USP6NL: variants seen among roughly 807,000 people sequenced by gnomAD.
The protein encoded by USP6NL is USP6 N-terminal like, also known as USP6 N-terminal-like protein.
A neutral mutation model predicts 61.9 loss-of-function variants in USP6NL; 26 were observed. The observed-to-expected ratio is 0.42, with a 90% CI of 0.31 to 0.58. The LOEUF is 0.58. USP6NL is among the 20% of genes least tolerant of loss of function. USP6NL has a pLI of 0.16. For synonymous variants in USP6NL, 432 were observed against 390.1 expected, an observed-to-expected ratio of 1.11 and a Z score of -1.27; for missense variants, 1,114 against 1,034.3, an observed-to-expected ratio of 1.08 and a Z score of -1.06.
chr10:11,504,775 C>T (rs1834364291), intron 6 of USP6NL, among the ~76,000 whole-genome samples: 2 of 152,232 alleles, frequency 1.3e-5, no homozygotes, highest in South Asian at 4.1e-4. Flanking sequence ...ATAATTATAA[C>T]TTAAACAGAG....
At position 11,592,794 on chromosome 10, in the gene USP6NL, C is replaced by T. The variant is rs2133647642; in HGVS notation, c.4+4837G>A. ...AGCACAACTTTTTTACTTAGTAAGA[C>T]TCTGAAGAATCCTTCTACTACCACT... is the stretch of plus-strand genomic sequence containing the variant. On this transcript the variant is annotated intron_variant, in intron 2 of 14. Transcript: ENST00000609104. The surrounding 1 kb of genome is among the most constrained non-coding windows in gnomAD (Gnocchi z 4.7). Among the ~76,000 whole-genome samples the T allele has an allele frequency of 6.6e-6, 1 of 152,320 alleles. No homozygotes were observed. The highest frequency in any genetic ancestry group is 3.4e-3 in the Middle Eastern group (1 of 294).
At chr10:11,483,085 C>T (rs1470369533) in intron 13 of USP6NL, among the ~76,000 whole-genome samples, 1 of 152,184 alleles carries the variant, frequency 6.6e-6, no homozygotes, top group Non-Finnish European at 1.5e-5. Context: ...CCAGAGCTTA[C>T]TCCTACTGTC....
intron 10 of USP6NL, among the ~76,000 whole-genome samples, chr10:11,486,973 G>C (rs1385277395): frequency 6.6e-6 from 1 of 151,818 alleles, no homozygotes; most frequent in Admixed American, 6.6e-5. Flanking sequence ...CAGTTTTCTA[G>C]GGTGTGTGTA....
rs749117055 is a variant in USP6NL, at chr10:11,596,623, C to CA, written c.4+1007dup. 0.027 allele frequency among the ~76,000 whole-genome samples: 1,674 copies of CA among 62,950 alleles called. 6 individuals carry two copies. Among genetic ancestry groups the CA allele is most frequent in the African/African-American group, 0.05 (869 of 17,478 alleles). 41.3% of individuals were successfully genotyped at this position (62,950 alleles called of 152,430 possible). A position where few individuals can be genotyped will look rare whatever the true frequency, so the allele number is the denominator to read the frequency against. ...TGGGCGACAGAGGGAGACTCCGTCT[C>CA]AAAAAAAAAAAAAAAAACTCTTTCT... On this transcript the variant is annotated intron_variant, in intron 2 of 14. Transcript: ENST00000609104. The surrounding 1 kb of genome is among the most constrained non-coding windows in gnomAD (Gnocchi z 4.1).
In USP6NL at chr10:11,487,519, T is replaced by C. The variant is rs1833521528; in HGVS notation, c.664+1583A>G. ...AAAATTGGACAGTCTTGGACACAAT[T>C]ACATACCAGTTAAATTTGCATTCTA... On this transcript the variant is annotated intron_variant, in intron 10 of 14. Coordinates refer to ENST00000609104, the MANE Select transcript of USP6NL (RefSeq NM_014688.5). The surrounding 1 kb of genome is among the most constrained non-coding windows in gnomAD (Gnocchi z 4.2). Among the ~76,000 whole-genome samples, 1 of 152,176 alleles carries C rather than the reference T, an allele frequency of 6.6e-6. No individual in the cohort carries two copies.
chr10:11,505,214 G>C (rs1834382915), intron 6 of USP6NL, among the ~76,000 whole-genome samples: 1 of 152,146 alleles, frequency 6.6e-6, no homozygotes, highest in Non-Finnish European at 1.5e-5. Flanking sequence ...GCCAGGAAGG[G>C]AAAAGTGGGG....
At chr10:11,480,275 T>C (rs1019975800) in intron 14 of USP6NL, among the ~76,000 whole-genome samples, 4 of 152,168 alleles carry the variant, frequency 2.6e-5, no homozygotes, top group Non-Finnish European at 5.9e-5. Context: ...AAACACCCAA[T>C]AAATATTAGC....
chr10:11,486,486 AATCTAT>A lies in USP6NL; in HGVS notation c.665-581_665-576del, dbSNP rs1833474379. Reference sequence around the variant, plus strand: ...TTTATCCCAAGTGACTATACAATATAATCTATATCTAAGAAGTAACAAATTACAAAT... The same window carrying A: ...TTTATCCCAAGTGACTATACAATATAATCTAAGAAGTAACAAATTACAAAT... On this transcript the variant is annotated intron_variant, in intron 10 of 14. Coordinates refer to ENST00000609104, the MANE Select transcript of USP6NL (RefSeq NM_014688.5). Among the ~76,000 whole-genome samples, 3 of 152,172 alleles carry A rather than the reference AATCTAT, an allele frequency of 2.0e-5. No individual in the cohort carries two copies. The South Asian group carries it at 6.2e-4, about 31-fold the overall frequency.
intron 2 of USP6NL, among the ~76,000 whole-genome samples, chr10:11,554,464 A>C (rs541817796): frequency 6.6e-6 from 1 of 152,354 alleles, no homozygotes; most frequent in South Asian, 2.1e-4. Context: ...GAAAATAAAA[A>C]TTGGAGTTCG....
At chr10:11,515,735 C>T (rs1042313207) in intron 5 of USP6NL, among the ~76,000 whole-genome samples, 10 of 152,072 alleles carry the variant, frequency 6.6e-5, no homozygotes, top group East Asian at 1.9e-4. Flanking sequence ...GTTTGTTTTT[C>T]GTTTCAGTTA....
chr10:11,590,141 G>T (rs936235100), intron 2 of USP6NL, among the ~76,000 whole-genome samples: 1 of 152,160 alleles, frequency 6.6e-6, no homozygotes, highest in East Asian at 1.9e-4. Context: ...TGGGATAAGG[G>T]AAGACATTTT....
chr10:11,463,766 C>T lies in USP6NL; in HGVS notation c.1162G>A (p.Gly388Arg). 1 of 1,561,370 alleles carries T rather than the reference C, an allele frequency of 6.4e-7. No homozygotes were observed. The highest frequency in any genetic ancestry group is 8.7e-7 in the Non-Finnish European group (1 of 1,153,580). Residue 388 changes from glycine to arginine, a missense_variant, in exon 15 of 15, where the codon GGA becomes AGA. Transcript: ENST00000609104. This position sits in a 1 kb window ranked among gnomAD's most constrained non-coding sequence, Gnocchi z 6.3. Reference sequence around the variant, plus strand: ...CTCGGCCGGCCCACGCTCCTCTGTCCGTTGCTCAAGTGATGGACGCCCCAA... The same window carrying T: ...CTCGGCCGGCCCACGCTCCTCTGTCTGTTGCTCAAGTGATGGACGCCCCAA... ...QSWGVHHLSN[G>R]QRSVGRPSPL...
intron 2 of USP6NL, among the ~76,000 whole-genome samples, chr10:11,531,453 G>A (rs1204359621): frequency 6.6e-6 from 1 of 152,034 alleles, no homozygotes. Context: ...CTCCGGAGTA[G>A]CTGGGACTAC....
Position 11,537,833 on chromosome 10 carries a change from TTTCCCTTCCCGTCAGCTTCCCAGC to T in USP6NL, c.5-10290_5-10267del, listed in dbSNP as rs1392230785. ...ACTTGTAATGCTATTGCCCAAATGA[TTTCCCTTCCCGTCAGCTTCCCAGC>T]TGCCACCTCAGCCTCCCTTCAAGGA... On this transcript the variant is annotated intron_variant, in intron 2 of 14. Coordinates refer to ENST00000609104, the MANE Select transcript of USP6NL (RefSeq NM_014688.5). This position sits in a 1 kb window ranked among gnomAD's most constrained non-coding sequence, Gnocchi z 5.1. 8.5e-4 allele frequency among the ~76,000 whole-genome samples: 129 copies of T among 152,226 alleles called. No individual in the cohort carries two copies. The highest frequency in any genetic ancestry group is 3.0e-3 in the African/African-American group (125 of 41,528).
In USP6NL at chr10:11,490,424, A is replaced by T. The variant is rs1833661332; in HGVS notation, c.543+408T>A. The stretch of plus-strand genomic sequence containing the variant: ...ATCTTGTTTGGACCTCACCTAATAG[A>T]TAAATGTGATTGTGAAAAGTAACCT... On this transcript the variant is annotated intron_variant, in intron 9 of 14. Transcript: ENST00000609104. The surrounding 1 kb of genome is among the most constrained non-coding windows in gnomAD (Gnocchi z 4.5). Among the ~76,000 whole-genome samples, 1 of 152,208 alleles carries T rather than the reference A, an allele frequency of 6.6e-6. No homozygotes were observed. The highest frequency in any genetic ancestry group is 2.1e-4 in the South Asian group (1 of 4,828).
rs1838576121 is a variant in USP6NL at position 11,602,643 on chromosome 10, C to A, written c.-83-4926G>T. Among the ~76,000 whole-genome samples, 1 of 152,100 alleles carries A rather than the reference C, an allele frequency of 6.6e-6. No homozygotes were observed. Among genetic ancestry groups the A allele is most frequent in the Non-Finnish European group, 1.5e-5 (1 of 68,020 alleles). On this transcript the variant is annotated intron_variant, in intron 1 of 14. Coordinates refer to ENST00000609104, the MANE Select transcript of USP6NL (RefSeq NM_014688.5). The surrounding 1 kb of genome is among the most constrained non-coding windows in gnomAD (Gnocchi z 4.8). ...GACTCCCAGGTGCTGGTTGAGTATG[C>A]CAAATCTAAACTTTCTGAAATCAGA... is the stretch of plus-strand genomic sequence containing the variant.
rs1833666733 is a variant in USP6NL, at chr10:11,490,517, T to C, written c.543+315A>G. Among the ~76,000 whole-genome samples, 1 of 152,198 alleles carries C rather than the reference T, an allele frequency of 6.6e-6. No homozygotes were observed. Among genetic ancestry groups the C allele is most frequent in the Non-Finnish European group, 1.5e-5 (1 of 68,038 alleles). ...CCAAGCCACCCACTTCCTGTCCTTC[T>C]ACCCTGTATATCTGCTTAAAAATAA... On this transcript the variant is annotated intron_variant, in intron 9 of 14. Coordinates refer to ENST00000609104, the MANE Select transcript of USP6NL (RefSeq NM_014688.5). This position sits in a 1 kb window ranked among gnomAD's most constrained non-coding sequence, Gnocchi z 4.5.
intron 2 of USP6NL, among the ~76,000 whole-genome samples, chr10:11,566,833 G>A (rs1033360009): frequency 7.2e-5 from 11 of 152,316 alleles, no homozygotes; most frequent in African/African-American, 2.2e-4. Context: ...GGAATGGTGC[G>A]GGGCACAGTG....
chr10:11,539,638 C>G (rs550537749), intron 2 of USP6NL, among the ~76,000 whole-genome samples: 2 of 152,336 alleles, frequency 1.3e-5, no homozygotes, highest in Admixed American at 1.3e-4. Context: ...CCAAGACAAA[C>G]ATATGAGTCA....
Sources: allele counts gnomAD v4.1 joint callset (sites outside exome capture counted in the v4.1 genomes callset), GRCh38; gene constraint gnomAD v4.1.1; non-coding constraint Gnocchi (gnomAD v3.1); transcripts MANE v1.5; gene names NCBI Gene and HGNC (gene_info 2026-07-23, HGNC 2026-07-21).